Variants in PRELID2 observed in about 807,000 individuals in gnomAD.
The protein encoded by PRELID2 is PRELI domain containing 2.
In PRELID2, 25 loss-of-function variants were observed where a neutral mutation model predicts 28.4. That is an observed-to-expected ratio of 0.88 (90% CI 0.64 to 1.23). The LOEUF is 1.23. Ranked by LOEUF, PRELID2 falls within the 50% of genes most tolerant of loss-of-function variation. PRELID2 has a pLI of 0.00. For missense variants in PRELID2, 201 were observed against 214.4 expected (o/e 0.94, Z 0.39); for synonymous variants, 76 against 71.6 (o/e 1.06, Z -0.31).
the PRELID2 span, among the ~76,000 whole-genome samples, chr5:145,365,286 A>G: frequency 6.6e-6 from 1 of 151,972 alleles, no homozygotes; most frequent in Non-Finnish European, 1.5e-5. Flanking sequence ...TCACCACAAA[A>G]AAGATAAGTA....
At chr5:145,469,267 A>C (rs1349957256), downstream of PRELID2, among the ~76,000 whole-genome samples, 1 of 152,118 alleles carries the variant, frequency 6.6e-6, no homozygotes, top group African/African-American at 2.4e-5. Flanking sequence ...GCTAATCTCC[A>C]CAATCTACTA....
intron 1 of PRELID2, among the ~76,000 whole-genome samples, chr5:145,675,844 T>C (rs557612027): frequency 1.2e-3 from 190 of 152,256 alleles, no homozygotes; most frequent in South Asian, 9.1e-3. Flanking sequence ...AACTACACAA[T>C]TGTAAAGAAA....
intron 1 of PRELID2, among the ~76,000 whole-genome samples, chr5:145,604,730 C>A (rs1753470621): frequency 6.8e-6 from 1 of 146,390 alleles, no homozygotes; most frequent in African/African-American, 2.5e-5. Context: ...ACAACCTCAC[C>A]AGCATCTGTT....
chr5:145,279,050 C>G, the PRELID2 span, among the ~76,000 whole-genome samples: 1 of 152,138 alleles, frequency 6.6e-6, no homozygotes, highest in Non-Finnish European at 1.5e-5. Flanking sequence ...AACAATAACT[C>G]TGGCACCACT....
the PRELID2 span, among the ~76,000 whole-genome samples, chr5:145,264,149 TAAGC>T: frequency 1.3e-5 from 2 of 152,032 alleles, no homozygotes; most frequent in African/African-American, 4.8e-5. Context: ...AATCATTTTA[TAAGC>T]CAGTATCACC....
At chr5:145,284,881 A>T in the PRELID2 span, among the ~76,000 whole-genome samples, 1 of 152,164 alleles carries the variant, frequency 6.6e-6, no homozygotes, top group Non-Finnish European at 1.5e-5. Context: ...AGAAGAATTT[A>T]ATTCAGGAGG....
At chr5:145,463,062 GA>G in the PRELID2 span, among the ~76,000 whole-genome samples, 1 of 151,962 alleles carries the variant, frequency 6.6e-6, no homozygotes, top group Non-Finnish European at 1.5e-5. Context: ...ATTTTATGTT[GA>G]AAAATGAAAC....
intron 1 of PRELID2, among the ~76,000 whole-genome samples, chr5:145,833,434 T>A (rs576011683): frequency 2.0e-5 from 3 of 152,242 alleles, no homozygotes; most frequent in East Asian, 1.9e-4. Context: ...AACAAAAAAA[T>A]TGGGTGTTGG....
Position 145,821,743 on chromosome 5 carries a change from G to T in PRELID2, c.133+1334C>A, listed in dbSNP as rs375683395. Among the ~76,000 whole-genome samples the T allele has an allele frequency of 2.7e-3, 406 of 152,284 alleles. 2 individuals are homozygous for T. Among genetic ancestry groups the T allele is most frequent in the African/African-American group, 9.0e-3 (372 of 41,548 alleles). On this transcript the variant is annotated intron_variant, in intron 2 of 6. Transcript: ENST00000683046. ...CTGCACACATACTCGAAATGGATTAGCCACTCCCAAAGGCAAAGATGCCCC... is the reference window on the plus strand; with the variant it reads ...CTGCACACATACTCGAAATGGATTATCCACTCCCAAAGGCAAAGATGCCCC...
chr5:145,543,802 A>G (rs1183792648), intron 1 of PRELID2, among the ~76,000 whole-genome samples: 1 of 152,066 alleles, frequency 6.6e-6, no homozygotes, highest in Non-Finnish European at 1.5e-5. Flanking sequence ...GAGGCCATCT[A>G]GAAAGAAACT....
the PRELID2 span, among the ~76,000 whole-genome samples, chr5:145,287,829 T>G: frequency 1.3e-5 from 2 of 152,174 alleles, no homozygotes; most frequent in African/African-American, 4.8e-5. Flanking sequence ...TCACATTACA[T>G]TTAGTCATAA....
chr5:145,760,686 C>G (rs1045922209), intron 6 of PRELID2, among the ~76,000 whole-genome samples, 161 bp from the exon 7 acceptor site: 4 of 152,132 alleles, frequency 2.6e-5, no homozygotes, highest in Admixed American at 2.6e-4. Flanking sequence ...GATCTTCGAA[C>G]AAGGCAAGCA....
chr5:145,285,386 G>A, the PRELID2 span, among the ~76,000 whole-genome samples: 3 of 152,020 alleles, frequency 2.0e-5, no homozygotes, highest in African/African-American at 7.2e-5. Context: ...CTCCATCCCC[G>A]AAGCTCCCCC....
intron 1 of PRELID2, among the ~76,000 whole-genome samples, chr5:145,662,723 A>G (rs1754518178): frequency 6.6e-6 from 1 of 152,130 alleles, no homozygotes; most frequent in Non-Finnish European, 1.5e-5. Flanking sequence ...GAACAGGCTC[A>G]GCCCCATTGT....
intron 4 of PRELID2, among the ~76,000 whole-genome samples, chr5:145,800,658 A>C (rs1170116500): frequency 2.0e-5 from 3 of 152,176 alleles, no homozygotes; most frequent in African/African-American, 7.2e-5. Context: ...TGGGAGAAGT[A>C]AGTCCTCAGA....
the PRELID2 span, among the ~76,000 whole-genome samples, chr5:145,398,849 G>A: frequency 6.6e-6 from 1 of 151,952 alleles, no homozygotes; most frequent in Non-Finnish European, 1.5e-5. Flanking sequence ...AAGGAAGGAA[G>A]GAAGTCTTTC....
At chr5:145,663,879 C>T (rs1754540123) in intron 1 of PRELID2, among the ~76,000 whole-genome samples, 1 of 152,050 alleles carries the variant, frequency 6.6e-6, no homozygotes. Flanking sequence ...CGCCCATTAT[C>T]ATTATTTTTA....
chr5:145,436,592 TTTTTTG>T, the PRELID2 span, among the ~76,000 whole-genome samples: 83 of 152,250 alleles, frequency 5.5e-4, 2 homozygotes, highest in African/African-American at 1.4e-3. Context: ...CCAGCATTTG[TTTTTTG>T]TTTTTGTTTT....
At chr5:145,638,842 G>A (rs142760939) in intron 1 of PRELID2, among the ~76,000 whole-genome samples, 53 of 152,308 alleles carry the variant, frequency 3.5e-4, no homozygotes, top group Middle Eastern at 3.4e-3. Flanking sequence ...GAAAAATGGC[G>A]TGTTGTCCTA....
Sources: allele counts gnomAD v4.1 joint callset (sites outside exome capture counted in the v4.1 genomes callset), GRCh38; gene constraint gnomAD v4.1.1; transcripts MANE v1.5; gene names NCBI Gene and HGNC (gene_info 2026-07-23, HGNC 2026-07-21).